The following AHCYL2 variants were observed in gnomAD, a reference collection of about 807,000 sequenced individuals.
AHCYL2 encodes S-adenosylhomocysteine hydrolase-like protein 2.
Under a neutral mutation model 81.4 loss-of-function variants are expected in AHCYL2, and 28 were observed. The observed-to-expected ratio is 0.34, with a 90% CI of 0.25 to 0.47. The LOEUF (loss-of-function observed/expected upper bound fraction) is 0.47. AHCYL2 is among the 20% of genes least tolerant of loss of function. AHCYL2 has a pLI of 1.00. For missense variants in AHCYL2, 551 were observed against 785.1 expected, an observed-to-expected ratio of 0.70 and a Z score of 3.56; for synonymous variants, 272 against 290.2, an observed-to-expected ratio of 0.94 and a Z score of 0.64.
intron 1 of AHCYL2, among the ~76,000 whole-genome samples, chr7:129,363,925 A>G (rs183324713): frequency 6.6e-6 from 1 of 152,184 alleles, no homozygotes; most frequent in Admixed American, 6.5e-5. Flanking sequence ...TATTTATTTA[A>G]TAAATCATTA....
intron 1 of AHCYL2, among the ~76,000 whole-genome samples, chr7:129,293,491 C>T (rs1335284547): frequency 6.6e-6 from 1 of 152,052 alleles, no homozygotes; most frequent in East Asian, 1.9e-4. Flanking sequence ...GCCTGGGCAA[C>T]ATGGCAAAAC....
At chr7:129,277,543 G>C (rs1481422375) in intron 1 of AHCYL2, among the ~76,000 whole-genome samples, 1 of 152,136 alleles carries the variant, frequency 6.6e-6, no homozygotes. Context: ...GCCTCCCAAA[G>C]TGCTAGGATT....
chr7:129,349,355 C>A (rs942193965), intron 1 of AHCYL2, among the ~76,000 whole-genome samples: 1 of 149,694 alleles, frequency 6.7e-6, no homozygotes, highest in Non-Finnish European at 1.5e-5. Flanking sequence ...TATGTCAGGC[C>A]GGGCATGGTG....
At chr7:129,376,568 C>T (rs995462327) in intron 1 of AHCYL2, among the ~76,000 whole-genome samples, 3 of 152,174 alleles carry the variant, frequency 2.0e-5, no homozygotes, top group Non-Finnish European at 2.9e-5. Flanking sequence ...GAAGACAGCT[C>T]AGCTCAGATA....
At chr7:129,412,889 A>C (rs1198470169) in intron 11 of AHCYL2, among the ~76,000 whole-genome samples, 1 of 152,060 alleles carries the variant, frequency 6.6e-6, no homozygotes, top group African/African-American at 2.4e-5. Context: ...CCCAGGCTAC[A>C]GTGTAGTGAT....
chr7:129,306,258 C>T (rs1455988782), intron 1 of AHCYL2, among the ~76,000 whole-genome samples: 1 of 152,014 alleles, frequency 6.6e-6, no homozygotes, highest in Non-Finnish European at 1.5e-5. Flanking sequence ...TAGATCTTGT[C>T]GGTGTGCTTT....
chr7:129,406,321 T>G lies in AHCYL2; in HGVS notation c.1207-57T>G. Reference sequence around the variant, plus strand: ...AGGGGGTGCACTTTACCAGAAGCTTTGAGAAATGGTTTTCTCAGTGACTTT... The same window carrying G: ...AGGGGGTGCACTTTACCAGAAGCTTGGAGAAATGGTTTTCTCAGTGACTTT... On this transcript the variant is annotated intron_variant, in intron 9 of 16. Transcript: ENST00000325006. The surrounding 1 kb of genome is among the most constrained non-coding windows in gnomAD (Gnocchi z 4.3). 147 of 1,534,194 alleles carry G rather than the reference T, an allele frequency of 9.6e-5. No individual in the cohort carries two copies. Among genetic ancestry groups the G allele is most frequent in the Non-Finnish European group, 1.3e-4 (139 of 1,108,508 alleles).
intron 11 of AHCYL2, among the ~76,000 whole-genome samples, chr7:129,411,228 C>T (rs1796558371): frequency 6.6e-6 from 1 of 152,158 alleles, no homozygotes; most frequent in Admixed American, 6.5e-5. Flanking sequence ...TTGTAATGTT[C>T]ACGCTTTTAA....
chr7:129,327,986 C>T (rs1350240068), intron 1 of AHCYL2, among the ~76,000 whole-genome samples: 3 of 152,018 alleles, frequency 2.0e-5, no homozygotes, highest in South Asian at 2.1e-4. Context: ...TTTGTAGAGA[C>T]GAAGTCTCAC....
At chr7:129,338,537 G>A (rs1276352234) in intron 1 of AHCYL2, among the ~76,000 whole-genome samples, 2 of 152,252 alleles carry the variant, frequency 1.3e-5, no homozygotes, top group African/African-American at 2.4e-5. Context: ...TGCAGTGGAT[G>A]TGAGTAGCTG....
chr7:129,286,502 C>T (rs145665281), intron 1 of AHCYL2, among the ~76,000 whole-genome samples: 3 of 152,190 alleles, frequency 2.0e-5, no homozygotes, highest in African/African-American at 7.2e-5. Flanking sequence ...CTCTCATCAC[C>T]CAGGCTGGAG....
chr7:129,350,994 G>A (rs1471278058), intron 1 of AHCYL2, among the ~76,000 whole-genome samples: 1 of 152,042 alleles, frequency 6.6e-6, no homozygotes, highest in Non-Finnish European at 1.5e-5. Flanking sequence ...GTGAGCCACC[G>A]CGCCCGGCCC....
At chr7:129,424,715 T>C in intron 13 of AHCYL2, 159 bp from the exon 14 acceptor site, 3 of 668,094 alleles carry the variant, frequency 4.5e-6, no homozygotes, top group Non-Finnish European at 7.8e-6. Flanking sequence ...TTCATTTAAA[T>C]GTCAGTCAGT....
chr7:129,346,834 G>C (rs1278494189), intron 1 of AHCYL2, among the ~76,000 whole-genome samples: 2 of 152,150 alleles, frequency 1.3e-5, no homozygotes, highest in Non-Finnish European at 2.9e-5. Flanking sequence ...CTGCTCACAG[G>C]TGTTTATAGC....
At chr7:129,323,521 T>A (rs538358720) in intron 1 of AHCYL2, among the ~76,000 whole-genome samples, 1 of 152,284 alleles carries the variant, frequency 6.6e-6, no homozygotes, top group Middle Eastern at 3.4e-3. Flanking sequence ...AAAAAGAATA[T>A]GTTTTCTGCT....
At chr7:129,302,694 A>C (rs775366620) in intron 1 of AHCYL2, among the ~76,000 whole-genome samples, 1 of 152,166 alleles carries the variant, frequency 6.6e-6, no homozygotes, top group African/African-American at 2.4e-5. Flanking sequence ...CCATCCTTAT[A>C]TCCTTGGGAT....
chr7:129,243,899 G>C (rs552577254), intron 1 of AHCYL2, among the ~76,000 whole-genome samples: 16 of 152,018 alleles, frequency 1.1e-4, no homozygotes, highest in African/African-American at 3.6e-4. Flanking sequence ...GGCCTTCACA[G>C]TCATGTCTTT....
At chr7:129,422,783 C>T in intron 12 of AHCYL2, 57 bp from the exon 13 acceptor site, 3 of 1,512,064 alleles carry the variant, frequency 2.0e-6, no homozygotes, top group Non-Finnish European at 9.1e-7. Flanking sequence ...CAACATCTTT[C>T]TGTTCCCACA....
In AHCYL2 at chr7:129,391,492, C is replaced by T. The variant is rs550622409; in HGVS notation, c.720+1758C>T. On this transcript the variant is annotated intron_variant, in intron 4 of 16. Coordinates refer to ENST00000325006, the MANE Select transcript of AHCYL2 (RefSeq NM_015328.4). ...AAAATGTCCAGATTCCTGGTCCTGC[C>T]CACTAAATGCCAATAGCACTCCCCT... Among the ~76,000 whole-genome samples the T allele has an allele frequency of 3.9e-5, 6 of 152,256 alleles. No homozygotes were observed. The East Asian group carries it at 1.2e-3, about 29-fold the overall frequency.
Sources: gnomAD v4.1 joint callset for allele counts (sites outside exome capture counted in the v4.1 genomes callset) on GRCh38, gnomAD v4.1.1 for gene constraint, Gnocchi (gnomAD v3.1) non-coding constraint, MANE v1.5 for transcripts, NCBI Gene and HGNC (gene_info 2026-07-23, HGNC 2026-07-21) for gene names.